Variants in PLCL1 observed in about 807,000 individuals in gnomAD.
PLCL1 encodes inactive phospholipase C-like protein 1.
In PLCL1, 41 loss-of-function variants were observed where a neutral mutation model predicts 84.4. The ratio of observed to expected loss-of-function variants is 0.49; its 90% CI spans 0.38 to 0.63. The LOEUF (loss-of-function observed/expected upper bound fraction) is 0.63, where lower values mean the gene tolerates loss of function less well. Among genes scored for constraint, PLCL1 ranks in the 30% least tolerant of loss-of-function variants. PLCL1 has a pLI of 0.00. For missense variants in PLCL1, 1,206 were observed against 1,367.8 expected (o/e 0.88, Z 1.87); for synonymous variants, 490 against 488.3 (o/e 1.00, Z -0.05).
chr2:198,128,698 TA>T (rs1457235418), intron 5 of PLCL1, among the ~76,000 whole-genome samples: 3 of 152,142 alleles, frequency 2.0e-5, no homozygotes, highest in Non-Finnish European at 2.9e-5. Flanking sequence ...TCCTAAACCA[TA>T]ATTTCTAATC....
intron 1 of PLCL1, among the ~76,000 whole-genome samples, chr2:198,003,876 C>A (rs1354853975): frequency 6.6e-6 from 1 of 152,066 alleles, no homozygotes; most frequent in Non-Finnish European, 1.5e-5. Context: ...TCCTCAAGAC[C>A]TCTTTCCACC....
At chr2:197,945,522 G>T (rs575664219) in intron 1 of PLCL1, among the ~76,000 whole-genome samples, 1 of 152,042 alleles carries the variant, frequency 6.6e-6, no homozygotes, top group African/African-American at 2.4e-5. Context: ...TCTATTTCAC[G>T]GTCAACAGTG....
chr2:197,997,259 C>T (rs1157077959), intron 1 of PLCL1, among the ~76,000 whole-genome samples: 1 of 152,228 alleles, frequency 6.6e-6, no homozygotes, highest in Non-Finnish European at 1.5e-5. Flanking sequence ...GCCCAGCTGG[C>T]TGCTGGTATC....
At chr2:198,030,068 C>G (rs1691374169) in intron 1 of PLCL1, among the ~76,000 whole-genome samples, 1 of 151,904 alleles carries the variant, frequency 6.6e-6, no homozygotes, top group African/African-American at 2.4e-5. Context: ...CAGGTAAAAC[C>G]AAGTCATGGG....
chr2:198,102,770 G>T (rs1287073471), intron 4 of PLCL1, among the ~76,000 whole-genome samples: 1 of 152,080 alleles, frequency 6.6e-6, no homozygotes. Context: ...AAAGAGTTTA[G>T]ACCTTTTTGG....
At chr2:198,040,542 T>G (rs1373329201) in intron 1 of PLCL1, among the ~76,000 whole-genome samples, 2 of 152,128 alleles carry the variant, frequency 1.3e-5, no homozygotes, top group Admixed American at 1.3e-4. Flanking sequence ...CTGCTTCTCC[T>G]TGGTGGGTGG....
Position 197,824,727 on chromosome 2 carries a change from A to AACAAAC in PLCL1, c.240+19389_240+19390insCAAACA, listed in dbSNP as rs1370580971. Among the ~76,000 whole-genome samples, 66 of 151,870 alleles carry AACAAAC rather than the reference A, an allele frequency of 4.3e-4. 2 individuals are homozygous for AACAAAC. In the South Asian group the frequency reaches 9.8e-3, roughly 22 times the overall value. ...AGACCCTGTCTCAAAAAAAAAAAAA[A>AACAAAC]AAAAAAAACATGTCTGACTCCTACT... is the stretch of plus-strand genomic sequence containing the variant. On this transcript the variant is annotated intron_variant, in intron 1 of 5. Transcript: ENST00000428675.
intron 5 of PLCL1, among the ~76,000 whole-genome samples, chr2:198,111,072 A>G (rs551018851): frequency 7.2e-5 from 11 of 151,958 alleles, no homozygotes; most frequent in African/African-American, 2.7e-4. Flanking sequence ...GACACTTCCT[A>G]GCTCTGTGTC....
At chr2:198,037,754 C>T (rs1276377500) in intron 1 of PLCL1, among the ~76,000 whole-genome samples, 3 of 151,954 alleles carry the variant, frequency 2.0e-5, no homozygotes, top group Admixed American at 6.6e-5. Context: ...TACATAATCC[C>T]GTGACTTTTG....
intron 1 of PLCL1, among the ~76,000 whole-genome samples, chr2:197,947,894 A>G (rs1013631099): frequency 6.6e-6 from 1 of 152,146 alleles, no homozygotes; most frequent in African/African-American, 2.4e-5. Context: ...CTTTGCAGCC[A>G]TGGGAAGTTA....
chr2:197,897,746 AT>A (rs563543727), intron 1 of PLCL1, among the ~76,000 whole-genome samples: 6 of 152,184 alleles, frequency 3.9e-5, no homozygotes, highest in Admixed American at 1.3e-4. Context: ...TAAGAGGCAA[AT>A]TTGTTATTCT....
intron 1 of PLCL1, among the ~76,000 whole-genome samples, chr2:197,866,051 ATACACACACACACACAC>A (rs1687526043): frequency 1.9e-5 from 2 of 105,096 alleles, no homozygotes; most frequent in Non-Finnish European, 1.8e-5. Flanking sequence ...ATATATATAT[ATACACACACACACACAC>A]TATATATATA....
chr2:197,856,685 A>G (rs145127969), intron 1 of PLCL1, among the ~76,000 whole-genome samples: 3 of 152,186 alleles, frequency 2.0e-5, no homozygotes, highest in Non-Finnish European at 4.4e-5. Context: ...TATACAATAT[A>G]TAAGATATGA....
At chr2:198,134,305 C>T (rs533601920) in intron 5 of PLCL1, among the ~76,000 whole-genome samples, 1 of 152,084 alleles carries the variant, frequency 6.6e-6, no homozygotes, top group African/African-American at 2.4e-5. Context: ...TCTGGGGCAC[C>T]GAGAGTGAAT....
intron 1 of PLCL1, among the ~76,000 whole-genome samples, chr2:197,878,744 G>A (rs914496855): frequency 6.3e-4 from 96 of 152,066 alleles, no homozygotes; most frequent in African/African-American, 2.2e-3. Flanking sequence ...TTTCACCCTC[G>A]TTTGACTAGG....
chr2:198,010,939 T>C (rs932000386), intron 1 of PLCL1, among the ~76,000 whole-genome samples: 1 of 151,758 alleles, frequency 6.6e-6, no homozygotes, highest in Non-Finnish European at 1.5e-5. Context: ...TAGTAGTATA[T>C]TTTTTATTGC....
intron 1 of PLCL1, among the ~76,000 whole-genome samples, chr2:198,023,818 G>A (rs901762080): frequency 6.6e-6 from 1 of 152,094 alleles, no homozygotes. Flanking sequence ...ATTAGTTCAA[G>A]CATTGTGGAA....
chr2:197,868,063 C>T (rs1400869046), intron 1 of PLCL1, among the ~76,000 whole-genome samples: 1 of 152,078 alleles, frequency 6.6e-6, no homozygotes, highest in African/African-American at 2.4e-5. Context: ...AATTGAAAGG[C>T]CTATCCACCC....
chr2:198,097,905 T>C (rs1250843385), intron 3 of PLCL1, among the ~76,000 whole-genome samples: 2 of 152,232 alleles, frequency 1.3e-5, no homozygotes, highest in Non-Finnish European at 2.9e-5. Flanking sequence ...CAGGCTTGAT[T>C]GCTTAAAAAC....
Sources: gnomAD v4.1 joint callset for allele counts (sites outside exome capture counted in the v4.1 genomes callset) on GRCh38, gnomAD v4.1.1 for gene constraint, MANE v1.5 for transcripts, NCBI Gene and HGNC (gene_info 2026-07-23, HGNC 2026-07-21) for gene names.